Variants in UNC5D observed in about 807,000 individuals in gnomAD.
The protein encoded by UNC5D is netrin receptor UNC5D.
In UNC5D, 39 loss-of-function variants were observed where a neutral mutation model predicts 105.4. That is an observed-to-expected ratio of 0.37 (90% CI 0.29 to 0.48). The LOEUF (loss-of-function observed/expected upper bound fraction) is 0.48, where lower values mean the gene tolerates loss of function less well. UNC5D is among the 20% of genes least tolerant of loss of function. The pLI is 0.98. For missense variants in UNC5D, 991 were observed against 1,202.4 expected, an observed-to-expected ratio of 0.82 and a Z score of 2.60; for synonymous variants, 452 against 450.4, an observed-to-expected ratio of 1.00 and a Z score of -0.04.
chr8:35,546,074 T>C (rs534638255), intron 1 of UNC5D, among the ~76,000 whole-genome samples: 1 of 152,104 alleles, frequency 6.6e-6, no homozygotes, highest in Non-Finnish European at 1.5e-5. Context: ...TTTAAATTTT[T>C]TTGCAGAGAA....
chr8:35,413,065 C>T (rs1245526465), intron 1 of UNC5D, among the ~76,000 whole-genome samples: 1 of 152,024 alleles, frequency 6.6e-6, no homozygotes, highest in Non-Finnish European at 1.5e-5. Flanking sequence ...TGCAAATGCG[C>T]TATGTAGTGG....
chr8:35,591,513 G>A (rs942533797), intron 3 of UNC5D, among the ~76,000 whole-genome samples: 2 of 151,838 alleles, frequency 1.3e-5, no homozygotes, highest in Non-Finnish European at 2.9e-5. Flanking sequence ...TCCTTTTTTA[G>A]CTTAGAGAAC....
intron 1 of UNC5D, among the ~76,000 whole-genome samples, chr8:35,369,943 C>T (rs749142649): frequency 1.6e-4 from 25 of 152,054 alleles, no homozygotes; most frequent in Non-Finnish European, 3.2e-4. Context: ...TTTGCTGTAC[C>T]TTTGTATCCT....
At chr8:35,236,290 G>A (rs1183118841) in intron 1 of UNC5D, among the ~76,000 whole-genome samples, 1 of 152,226 alleles carries the variant, frequency 6.6e-6, no homozygotes, top group Non-Finnish European at 1.5e-5. Flanking sequence ...TTCCTGGGGA[G>A]AGGGGCCAGG....
chr8:35,643,272 G>A (rs1315505136), intron 4 of UNC5D, among the ~76,000 whole-genome samples: 1 of 152,120 alleles, frequency 6.6e-6, no homozygotes, highest in African/African-American at 2.4e-5. Context: ...GGAGGAAAAA[G>A]TCGCCCTTGG....
Position 35,676,420 on chromosome 8 carries a change from C to G in UNC5D, c.571-7127C>G, listed in dbSNP as rs146213808. The stretch of plus-strand genomic sequence containing the variant: ...AGGGGTGAATGCCTCCAACAACCTT[C>G]AGGAATGTTAGGCCTCTCTGTCAGA... On this transcript the variant is annotated intron_variant, in intron 4 of 16. Coordinates refer to ENST00000404895, the MANE Select transcript of UNC5D (RefSeq NM_080872.4). 1.3e-3 allele frequency among the ~76,000 whole-genome samples: 195 copies of G among 152,280 alleles called. 1 individual carries two copies. The highest frequency in any genetic ancestry group is 4.5e-3 in the African/African-American group (188 of 41,554).
At chr8:35,461,625 A>G (rs75257659) in intron 1 of UNC5D, among the ~76,000 whole-genome samples, 101 of 152,338 alleles carry the variant, frequency 6.6e-4, no homozygotes, top group Middle Eastern at 3.4e-3. Context: ...GGAGGGAACA[A>G]TAACAGAAAA....
At chr8:35,513,700 C>A (rs1812928326) in intron 1 of UNC5D, among the ~76,000 whole-genome samples, 2 of 152,116 alleles carry the variant, frequency 1.3e-5, no homozygotes, top group Non-Finnish European at 2.9e-5. Context: ...ACTTGAGGGG[C>A]AAGGATTTTG....
At chr8:35,499,463 G>A (rs1260250457) in intron 1 of UNC5D, among the ~76,000 whole-genome samples, 1 of 152,190 alleles carries the variant, frequency 6.6e-6, no homozygotes, top group South Asian at 2.1e-4. Flanking sequence ...ATGTGATTCA[G>A]TGACTGTACT....
chr8:35,400,363 A>G (rs1585753954), intron 1 of UNC5D, among the ~76,000 whole-genome samples: 1 of 152,104 alleles, frequency 6.6e-6, no homozygotes, highest in Non-Finnish European at 1.5e-5. Context: ...ATATGTTATT[A>G]ATTCAGTATC....
chr8:35,424,833 G>A (rs557850377), intron 1 of UNC5D, among the ~76,000 whole-genome samples: 44 of 152,332 alleles, frequency 2.9e-4, no homozygotes, highest in South Asian at 1.2e-3. Flanking sequence ...AGTATGTAAC[G>A]TATTTATAGC....
At chr8:35,502,360 A>G (rs947812620) in intron 1 of UNC5D, among the ~76,000 whole-genome samples, 1 of 152,194 alleles carries the variant, frequency 6.6e-6, no homozygotes, top group Non-Finnish European at 1.5e-5. Flanking sequence ...GAGTTGTCAC[A>G]CATGCGTGTG....
chr8:35,389,649 G>A (rs773016129), intron 1 of UNC5D, among the ~76,000 whole-genome samples: 1 of 151,434 alleles, frequency 6.6e-6, no homozygotes, highest in Non-Finnish European at 1.5e-5. Flanking sequence ...TAATACCAAG[G>A]CTGAAAACTA....
chr8:35,568,400 C>G (rs1346523573), intron 3 of UNC5D, among the ~76,000 whole-genome samples, 159 bp downstream of exon 3: 3 of 152,212 alleles, frequency 2.0e-5, no homozygotes, highest in Non-Finnish European at 4.4e-5. Context: ...TTGATAATTT[C>G]TGGCCAGGCG....
At chr8:35,411,516 CACACATAGTAG>C (rs1281736297) in intron 1 of UNC5D, among the ~76,000 whole-genome samples, 6 of 151,882 alleles carry the variant, frequency 4.0e-5, no homozygotes, top group Non-Finnish European at 8.8e-5. Context: ...GAACAGTGCT[CACACATAGTAG>C]ACACTTACTA....
At chr8:35,504,214 C>T (rs981166370) in intron 1 of UNC5D, among the ~76,000 whole-genome samples, 6 of 152,146 alleles carry the variant, frequency 3.9e-5, no homozygotes, top group Admixed American at 3.9e-4. Context: ...AGCTGGATAC[C>T]TGGGTAAATC....
intron 4 of UNC5D, among the ~76,000 whole-genome samples, chr8:35,652,865 T>G (rs1342062126): frequency 6.6e-6 from 1 of 151,610 alleles, no homozygotes; most frequent in Non-Finnish European, 1.5e-5. Context: ...CTTCTCCAAC[T>G]TTTAAGATCC....
chr8:35,591,832 A>G (rs1819194546), intron 3 of UNC5D, among the ~76,000 whole-genome samples: 1 of 152,206 alleles, frequency 6.6e-6, no homozygotes, highest in East Asian at 1.9e-4. Flanking sequence ...AGAACAAGTC[A>G]CCATAAGCAC....
chr8:35,635,524 T>C lies in UNC5D; in HGVS notation c.570+39867T>C, dbSNP rs552186140. 2.8e-4 allele frequency among the ~76,000 whole-genome samples: 42 copies of C among 152,266 alleles called. No homozygotes were observed. In the South Asian group the frequency reaches 7.9e-3, roughly 29 times the overall value. On this transcript the variant is annotated intron_variant, in intron 4 of 16. Transcript: ENST00000404895. ...CAGAAGTTATAATAACTCATTGCCT[T>C]GCCTGCTTGGAAAACATGATAATGC...
Sources: allele counts gnomAD v4.1 joint callset (sites outside exome capture counted in the v4.1 genomes callset), GRCh38; gene constraint gnomAD v4.1.1; transcripts MANE v1.5; gene names NCBI Gene and HGNC (gene_info 2026-07-23, HGNC 2026-07-21).